Variants in MYOM1 observed in about 807,000 individuals in gnomAD.
MYOM1 encodes the protein myomesin 1, also known as myomesin-1.
In MYOM1, 164 loss-of-function variants were observed where a neutral mutation model predicts 205.3. That is an observed-to-expected ratio of 0.80 (90% CI 0.70 to 0.91). The LOEUF (loss-of-function observed/expected upper bound fraction) is 0.91, where lower values mean the gene tolerates loss of function less well. Among genes scored for constraint, MYOM1 ranks in the 40% least tolerant of loss-of-function variants. The pLI is 0.00. For missense variants in MYOM1, 2,011 were observed against 2,127.3 expected (o/e 0.95, Z 1.08); for synonymous variants, 772 against 789.4 (o/e 0.98, Z 0.37).
chr18:3,234,628 G>A, the MYOM1 span, among the ~76,000 whole-genome samples: 9 of 152,086 alleles, frequency 5.9e-5, no homozygotes, highest in Admixed American at 2.0e-4. Context: ...AGGAGTGGGC[G>A]GCGATTCTCA....
At chr18:3,246,767 T>TC in the MYOM1 span, 1 of 152,282 alleles carries the variant, frequency 6.6e-6, no homozygotes, top group Non-Finnish European at 1.5e-5. Flanking sequence ...CTGGTCACTG[T>TC]CCCCTAGTGC....
chr18:3,145,213 A>G (rs1291317769), intron 13 of MYOM1, among the ~76,000 whole-genome samples: 1 of 151,888 alleles, frequency 6.6e-6, no homozygotes, highest in East Asian at 1.9e-4. Context: ...TGGGGGCTGA[A>G]GCAGGAGAAT....
chr18:3,247,057 A>C, the MYOM1 span: 1 of 152,104 alleles, frequency 6.6e-6, no homozygotes, highest in Non-Finnish European at 1.5e-5. Flanking sequence ...CTTCCTGCAT[A>C]GTGGGATCCA....
the MYOM1 span, among the ~76,000 whole-genome samples, chr18:3,242,328 A>G: frequency 2.6e-5 from 4 of 152,254 alleles, no homozygotes; most frequent in African/African-American, 9.6e-5. Flanking sequence ...TTCTCATGAT[A>G]GTTAATAAGT....
intron 4 of MYOM1, 41 bp from the exon 5 acceptor site, chr18:3,187,678 C>A: frequency 2.7e-6 from 4 of 1,504,412 alleles, no homozygotes; most frequent in Non-Finnish European, 3.6e-6. Flanking sequence ...TACCAAAATA[C>A]CAATAAATCA....
At chr18:3,082,712 T>G (rs2143675819) in intron 33 of MYOM1, among the ~76,000 whole-genome samples, 1 of 152,140 alleles carries the variant, frequency 6.6e-6, no homozygotes, top group African/African-American at 2.4e-5. Context: ...AACACAGAGG[T>G]TAAGGACACT....
chr18:3,186,209 A>C (rs1178580453), intron 5 of MYOM1, among the ~76,000 whole-genome samples: 2 of 152,126 alleles, frequency 1.3e-5, no homozygotes, highest in Admixed American at 1.3e-4. Flanking sequence ...AAAGGAAAAA[A>C]AAAAAGAATA....
chr18:3,190,946 C>T (rs2080895556), intron 3 of MYOM1, among the ~76,000 whole-genome samples: 1 of 152,086 alleles, frequency 6.6e-6, no homozygotes, highest in Non-Finnish European at 1.5e-5. Context: ...AGTCTCCTTG[C>T]CTTTTCCATT....
intron 23 of MYOM1, among the ~76,000 whole-genome samples, chr18:3,101,577 C>G (rs191153345): frequency 6.6e-6 from 1 of 152,248 alleles, no homozygotes; most frequent in East Asian, 1.9e-4. Flanking sequence ...AGCTTTCTTC[C>G]CATGTACTAT....
intron 13 of MYOM1, among the ~76,000 whole-genome samples, chr18:3,142,519 C>A (rs1292187569): frequency 6.6e-6 from 1 of 152,116 alleles, no homozygotes; most frequent in East Asian, 1.9e-4. Flanking sequence ...GATCCTCCTG[C>A]CTTGGCCTCC....
In MYOM1 at chr18:3,189,116, T is replaced by C. The variant is rs149714799; in HGVS notation, c.432-29A>G. ...AAACACAACAATGGCAAAATGTAGA[T>C]GTTGTGGATGGCAGTGATAAGATTG... On this transcript the variant is annotated intron_variant, in intron 3 of 37. Coordinates refer to ENST00000356443, the MANE Select transcript of MYOM1 (RefSeq NM_003803.4). This position sits in a 1 kb window ranked among gnomAD's most constrained non-coding sequence, Gnocchi z 4.8. 1,662 of 1,588,226 alleles carry C rather than the reference T, an allele frequency of 1.0e-3. 9 individuals are homozygous for C. The African/African-American group carries it at 0.018, about 17-fold the overall frequency.
intron 2 of MYOM1, among the ~76,000 whole-genome samples, chr18:3,201,353 C>T (rs912582001): frequency 6.6e-6 from 1 of 151,480 alleles, no homozygotes; most frequent in African/African-American, 2.4e-5. Flanking sequence ...GAGCCAAGAT[C>T]GTGCCACACT....
intron 26 of MYOM1, 59 bp downstream of exon 26, chr18:3,094,111 G>C: frequency 6.4e-7 from 1 of 1,562,418 alleles, no homozygotes. Flanking sequence ...ATCCACATAA[G>C]GCTTCCTCAG....
intron 10 of MYOM1, among the ~76,000 whole-genome samples, chr18:3,160,878 A>T (rs2080381616): frequency 6.6e-6 from 1 of 152,168 alleles, no homozygotes; most frequent in African/African-American, 2.4e-5. Flanking sequence ...GTCTGGCCTA[A>T]ACCTGGCAAA....
chr18:3,151,569 A>T lies in MYOM1; in HGVS notation c.1843+125T>A, dbSNP rs1348562906. The T allele has an allele frequency of 3.9e-6, 3 of 770,428 alleles. No individual in the cohort carries two copies. The Admixed American group carries it at 1.1e-4, about 27-fold the overall frequency. The allele number at this position is 770,428 out of a possible 1,614,324, so 47.7% of individuals were successfully genotyped here. ...TTCTCCCCCTCGGATTTTCTGATGA[A>T]AAAAGGATTTCTTGTTCTTGTCTCC... On this transcript the variant is annotated intron_variant, in intron 12 of 37. Transcript: ENST00000356443.
chr18:3,093,056 G>A (rs2079248664), intron 26 of MYOM1, among the ~76,000 whole-genome samples: 1 of 152,064 alleles, frequency 6.6e-6, no homozygotes, highest in Non-Finnish European at 1.5e-5. Flanking sequence ...AGAGGAGACG[G>A]GTCGCAGTGG....
At chr18:3,181,833 A>G (rs1046795069) in intron 5 of MYOM1, among the ~76,000 whole-genome samples, 3 of 148,746 alleles carry the variant, frequency 2.0e-5, no homozygotes. Context: ...TCCCAGATTC[A>G]AGCAATTCTC....
intron 17 of MYOM1, among the ~76,000 whole-genome samples, chr18:3,130,107 AT>A (rs1049300060): frequency 2.0e-5 from 3 of 151,448 alleles, no homozygotes; most frequent in Non-Finnish European, 4.4e-5. Flanking sequence ...CACTGGCGCA[AT>A]CTCGGCTCAC....
intron 2 of MYOM1, among the ~76,000 whole-genome samples, chr18:3,201,046 A>G (rs986809225): frequency 6.6e-6 from 1 of 152,236 alleles, no homozygotes; most frequent in African/African-American, 2.4e-5. Context: ...TAGACTTCTC[A>G]TCAGGAAAAA....
Sources: allele counts gnomAD v4.1 joint callset (sites outside exome capture counted in the v4.1 genomes callset), GRCh38; gene constraint gnomAD v4.1.1; non-coding constraint Gnocchi (gnomAD v3.1); transcripts MANE v1.5; gene names NCBI Gene and HGNC (gene_info 2026-07-23, HGNC 2026-07-21).